Variants in ALG1 observed in about 807,000 individuals in gnomAD.
ALG1 encodes the protein ALG1 chitobiosyldiphosphodolichol beta-mannosyltransferase, also known as chitobiosyldiphosphodolichol beta-mannosyltransferase.
A neutral mutation model predicts 55.1 loss-of-function variants in ALG1; 58 were observed. That is an observed-to-expected ratio of 1.05 (90% CI 0.85 to 1.31). The LOEUF (loss-of-function observed/expected upper bound fraction) is 1.31, where lower values mean the gene tolerates loss of function less well. ALG1 is among the 50% of genes most tolerant of loss of function. The probability of loss-of-function intolerance (pLI) is 0.00; values close to 1 mark genes in which losing one functional copy is unlikely to be tolerated. For synonymous variants in ALG1, 309 were observed against 247.0 expected (o/e 1.25, Z -2.35); for missense variants, 761 against 598.6 (o/e 1.27, Z -2.83).
rs1254677428 is a variant in ALG1 at position 5,072,885 on chromosome 16, T to A, written c.209-66T>A. The A allele has an allele frequency of 5.0e-6, 7 of 1,405,472 alleles. No individual in the cohort carries two copies. The African/African-American group carries it at 8.5e-5, about 17-fold the overall frequency. The allele number at this position is 1,405,472 out of a possible 1,614,324, so 87.1% of individuals were successfully genotyped here. Reference sequence around the variant, plus strand: ...AACACTGTCCGTGATTCAGCCTGAGTTGGGAGATTATCTGACTTTAGATTG... The same window carrying A: ...AACACTGTCCGTGATTCAGCCTGAGATGGGAGATTATCTGACTTTAGATTG... On this transcript the variant is annotated intron_variant, in intron 1 of 12. Coordinates refer to ENST00000262374, the MANE Select transcript of ALG1 (RefSeq NM_019109.5).
In ALG1 at chr16:5,085,614, T is replaced by TG. The variant is rs761523989; in HGVS notation, c.*735dup. 44 of 1,522,388 alleles carry TG rather than the reference T, an allele frequency of 2.9e-5. No homozygotes were observed. In the East Asian group the frequency reaches 9.4e-4, roughly 33 times the overall value. The allele number at this position is 1,522,388 out of a possible 1,614,324, so 94.3% of individuals were successfully genotyped here. ...AGTGACTTGATTCTCACAATCCCGT[T>TG]GGAGTCGTGTGTGAGTCCTACAGGG... On this transcript the variant is annotated 3_prime_UTR_variant, in exon 13 of 13. Transcript: ENST00000262374.
At position 5,077,966 on chromosome 16, in the gene ALG1, A is replaced by C; in HGVS notation, c.689A>C (p.Gln230Pro). 2 of 1,604,642 alleles carry C rather than the reference A, an allele frequency of 1.2e-6. No homozygotes were observed. Among genetic ancestry groups the C allele is most frequent in the Non-Finnish European group, 1.7e-6 (2 of 1,179,824 alleles). The change falls in exon 6 of 13, where the codon CAG becomes CCG. Residue 230 changes from glutamine (Q) to proline (P), a missense_variant. Physicochemically the swap from Gln to Pro is moderately conservative, Grantham distance 76. Transcript: ENST00000262374. Reference sequence around the variant, plus strand: ...TTTAAAGAGACACCTCTGGACCTGCAGCACCGGCTCTTCATGAAGCTGGGC... The same window carrying C: ...TTTAAAGAGACACCTCTGGACCTGCCGCACCGGCTCTTCATGAAGCTGGGC... ...SFFKETPLDLQHRLFMKLGSM... is the reference protein window; with the variant it reads ...SFFKETPLDLPHRLFMKLGSM...
chr16:5,073,142 C>G lies in ALG1; in HGVS notation c.287-11C>G, dbSNP rs757763738. ...CTCCTTTGGTAGTCACAGGTGTTTT[C>G]TGACTTGCAGTTGGGCCCCGAGTTT... On this transcript the variant is annotated splice_polypyrimidine_tract_variant and intron_variant, in intron 2 of 12. Transcript: ENST00000262374. 4 of 1,613,958 alleles carry G rather than the reference C, an allele frequency of 2.5e-6. No individual in the cohort carries two copies. Among genetic ancestry groups the G allele is most frequent in the Middle Eastern group, 1.6e-4 (1 of 6,062 alleles).
chr16:5,077,391 G>C, intron 4 of ALG1, 54 bp from the exon 5 acceptor site: 1 of 1,446,360 alleles, frequency 6.9e-7, no homozygotes, highest in South Asian at 1.1e-5. Flanking sequence ...GTCACGCTGT[G>C]GTGGTAGCGG....
At chr16:5,079,853 AG>A (rs749988799) in intron 9 of ALG1, 46 bp downstream of exon 9, 10 of 1,552,476 alleles carry the variant, frequency 6.4e-6, no homozygotes, top group Non-Finnish European at 8.9e-6. Flanking sequence ...GGGATGGCGG[AG>A]GGGGAGGGGC....
chr16:5,082,442 T>C, intron 10 of ALG1, 117 bp from the exon 11 acceptor site: 1 of 1,080,966 alleles, frequency 9.3e-7, no homozygotes, highest in Non-Finnish European at 1.4e-6. Context: ...TGTTTGGGGC[T>C]GTTGGGGGCC....
At chr16:5,084,620 G>GT in intron 12 of ALG1, 130 bp from the exon 13 acceptor site, 1 of 1,436,030 alleles carries the variant, frequency 7.0e-7, no homozygotes, top group Non-Finnish European at 9.5e-7. Context: ...AGGGTCTCGA[G>GT]TCCAAGTGAG....
rs976634628 is a variant in ALG1 at position 5,079,926 on chromosome 16, C to T, written c.961+119C>T. ...TCCTTAATCCTCACTGCAGCTCTGC[C>T]ATAGGGTCTTATACTGCTTGACATG... On this transcript the variant is annotated intron_variant, in intron 9 of 12. Transcript: ENST00000262374. 2.2e-6 allele frequency: 3 copies of T among 1,343,718 alleles called. No individual in the cohort carries two copies. In the African/African-American group the frequency reaches 4.3e-5, roughly 19 times the overall value. 83.2% of individuals were successfully genotyped at this position (1,343,718 alleles called of 1,614,324 possible).
intron 7 of ALG1, 35 bp from the exon 8 acceptor site, chr16:5,079,029 A>C (rs931592668): frequency 3.1e-6 from 5 of 1,604,916 alleles, no homozygotes; most frequent in Non-Finnish European, 2.5e-6. Flanking sequence ...GGGTGTCTAG[A>C]AACAGGCCCC....
intron 10 of ALG1, 39 bp downstream of exon 10, chr16:5,081,095 G>GGGC: frequency 1.9e-5 from 9 of 467,408 alleles, no homozygotes; most frequent in Non-Finnish European, 3.5e-5. Flanking sequence ...GAGGCGGGGG[G>GGGC]AACAGGGTGG....
At chr16:5,080,440 G>A (rs1434897647) in intron 9 of ALG1, among the ~76,000 whole-genome samples, 8 of 152,194 alleles carry the variant, frequency 5.3e-5, no homozygotes, top group Non-Finnish European at 1.2e-4. Flanking sequence ...CTGCTGCTGA[G>A]CCCTTTCAAG....
chr16:5,081,972 C>T (rs769867169), intron 10 of ALG1, among the ~76,000 whole-genome samples: 7 of 151,926 alleles, frequency 4.6e-5, no homozygotes, highest in Non-Finnish European at 8.8e-5. Flanking sequence ...GATGGAGTTT[C>T]GCTCTTGTAG....
intron 11 of ALG1, 87 bp from the exon 12 acceptor site, chr16:5,083,594 TG>T (rs1957055925): frequency 6.3e-7 from 1 of 1,592,164 alleles, no homozygotes; most frequent in Non-Finnish European, 8.5e-7. Context: ...GGCTTGAGCA[TG>T]GGGTGTGTGG....
rs1188841236 is a variant in ALG1, at chr16:5,086,574, T to G, written c.*1693T>G. ...GCAATCCTCCCACTTCCTGAGTAGC[T>G]GGGATGACAGGTGCGTGCCACCATG... is the stretch of plus-strand genomic sequence containing the variant. On this transcript the variant is annotated 3_prime_UTR_variant, in exon 13 of 13. Coordinates refer to ENST00000262374, the MANE Select transcript of ALG1 (RefSeq NM_019109.5). 1 of 151,152 alleles carries G rather than the reference T, an allele frequency of 6.6e-6. No individual in the cohort carries two copies. The highest frequency in any genetic ancestry group is 1.5e-5 in the Non-Finnish European group (1 of 67,912). The allele number at this position is 151,152 out of a possible 1,614,324, so 9.4% of individuals were successfully genotyped here.
chr16:5,077,588 G>C, intron 5 of ALG1, 54 bp downstream of exon 5: 1 of 1,544,912 alleles, frequency 6.5e-7, no homozygotes, highest in Non-Finnish European at 8.9e-7. Flanking sequence ...CCCCTGATTG[G>C]CTGCAGTGAG....
At chr16:5,080,062 G>A (rs1283717181) in intron 9 of ALG1, among the ~76,000 whole-genome samples, 3 of 147,250 alleles carry the variant, frequency 2.0e-5, no homozygotes, top group Admixed American at 7.1e-5. Flanking sequence ...TTGTTGTTAC[G>A]TCATTGGTGT....
In ALG1 at chr16:5,071,870, C is replaced by G. The variant is rs149388535; in HGVS notation, c.21C>G (p.Val7=). 3 of 1,604,880 alleles carry G rather than the reference C, an allele frequency of 1.9e-6. No homozygotes were observed. The highest frequency in any genetic ancestry group is 3.4e-5 in the Admixed American group (2 of 59,580). ...CCAAGATGGCGGCCTCATGCTTGGT[C>G]CTGCTGGCGCTGTGTCTGCTGCTGC... MAASCL[V]LLALCLLLPL... The change falls in exon 1 of 13, where the codon GTC becomes GTG. Residue 7 remains valine, a synonymous_variant. Coordinates refer to ENST00000262374, the MANE Select transcript of ALG1 (RefSeq NM_019109.5).
rs1395761235 is a variant in ALG1, at chr16:5,085,497, TGTGG to T, written c.*617_*620del. ...GCCGATGTCTTATTAGAGGGCAGTT[TGTGG>T]TTCCTGATTTGGAAATTAACATTCT... On this transcript the variant is annotated 3_prime_UTR_variant, in exon 13 of 13. Transcript: ENST00000262374. 1 of 760,922 alleles carries T rather than the reference TGTGG, an allele frequency of 1.3e-6. No homozygotes were observed. The highest frequency in any genetic ancestry group is 1.7e-5 in the African/African-American group (1 of 58,622). The allele number at this position is 760,922 out of a possible 1,614,324, so 47.1% of individuals were successfully genotyped here. A position where few individuals can be genotyped will look rare whatever the true frequency, so the allele number is the denominator to read the frequency against.
At position 5,079,827 on chromosome 16, in the gene ALG1, G is replaced by A. The variant is rs1956984734; in HGVS notation, c.961+20G>A. Reference sequence around the variant, plus strand: ...TAACAGGTACTGCCTGGGACCCTGGGTGTCTGTTTGGTTGGGGGATGGCGG... The same window carrying A: ...TAACAGGTACTGCCTGGGACCCTGGATGTCTGTTTGGTTGGGGGATGGCGG... On this transcript the variant is annotated intron_variant, in intron 9 of 12. Coordinates refer to ENST00000262374, the MANE Select transcript of ALG1 (RefSeq NM_019109.5). 1 of 1,610,984 alleles carries A rather than the reference G, an allele frequency of 6.2e-7. No individual in the cohort carries two copies. The highest frequency in any genetic ancestry group is 8.5e-7 in the Non-Finnish European group (1 of 1,179,016).
Sources: gnomAD v4.1 joint callset for allele counts (sites outside exome capture counted in the v4.1 genomes callset) on GRCh38, gnomAD v4.1.1 for gene constraint, MANE v1.5 for transcripts, NCBI Gene and HGNC (gene_info 2026-07-23, HGNC 2026-07-21) for gene names.